The following DCC variants were observed in gnomAD, a reference collection of about 807,000 sequenced individuals.
The protein encoded by DCC is DCC netrin 1 receptor.
DCC carries 58 observed loss-of-function variants against 172.5 expected under a neutral mutation model. The observed-to-expected ratio is 0.34, with a 90% confidence interval of 0.27 to 0.42. The LOEUF (loss-of-function observed/expected upper bound fraction) is 0.42. Ranked by LOEUF, DCC falls within the 10% of genes least tolerant of loss-of-function variation. DCC has a pLI of 1.00. For missense variants in DCC, 1,740 were observed against 1,791.0 expected (o/e 0.97, Z 0.51); for synonymous variants, 709 against 644.5 (o/e 1.10, Z -1.52).
intron 7 of DCC, among the ~76,000 whole-genome samples, chr18:53,102,753 G>T (rs1313781671): frequency 2.0e-5 from 3 of 152,154 alleles, no homozygotes; most frequent in African/African-American, 7.2e-5. Context: ...CCTGTTCCAG[G>T]TTTTCAGACT....
chr18:52,517,122 T>C (rs1217109249), intron 1 of DCC, among the ~76,000 whole-genome samples: 2 of 152,192 alleles, frequency 1.3e-5, no homozygotes, highest in Non-Finnish European at 2.9e-5. Flanking sequence ...GGACCATAAG[T>C]GACACCCAAC....
At chr18:52,873,050 C>T (rs1343293823) in intron 2 of DCC, among the ~76,000 whole-genome samples, 1 of 152,168 alleles carries the variant, frequency 6.6e-6, no homozygotes, top group African/African-American at 2.4e-5. Context: ...AAGAATAATG[C>T]TGTCAATCTC....
At chr18:53,425,366 T>TTTTG (rs1910859743) in intron 21 of DCC, among the ~76,000 whole-genome samples, 1 of 135,610 alleles carries the variant, frequency 7.4e-6, no homozygotes, top group Non-Finnish European at 1.7e-5. Context: ...TCTTTTTTTT[T>TTTTG]TTTTTTTTTT....
intron 1 of DCC, among the ~76,000 whole-genome samples, chr18:52,642,286 A>C (rs1391813342): frequency 6.6e-6 from 1 of 151,880 alleles, no homozygotes; most frequent in Non-Finnish European, 1.5e-5. Flanking sequence ...ATGCAAAGGC[A>C]TAAGAATGAT....
At chr18:52,590,234 C>T (rs542392071) in intron 1 of DCC, among the ~76,000 whole-genome samples, 1 of 151,878 alleles carries the variant, frequency 6.6e-6, no homozygotes, top group African/African-American at 2.4e-5. Flanking sequence ...CAATTTTTTT[C>T]AAGCTGTATG....
At chr18:53,378,098 A>G (rs1446445013) in intron 15 of DCC, among the ~76,000 whole-genome samples, 1 of 152,008 alleles carries the variant, frequency 6.6e-6, no homozygotes, top group Admixed American at 6.5e-5. Context: ...AGTAGCTGGG[A>G]TTACAGGCAC....
At chr18:52,710,010 T>C (rs1870579) in intron 1 of DCC, among the ~76,000 whole-genome samples, 146,224 of 152,274 alleles carry the variant, frequency 0.96, 70,492 homozygotes, top group East Asian at 1. Context: ...GGATTGCCCA[T>C]CAGCCAGATT....
At chr18:52,739,000 G>A (rs964518931) in intron 1 of DCC, among the ~76,000 whole-genome samples, 5 of 151,644 alleles carry the variant, frequency 3.3e-5, no homozygotes, top group Non-Finnish European at 7.4e-5. Context: ...CTCTCACCTC[G>A]GCCTCCCTAA....
chr18:53,476,972 A>C (rs963633737), intron 25 of DCC, among the ~76,000 whole-genome samples: 5 of 152,246 alleles, frequency 3.3e-5, no homozygotes, highest in Non-Finnish European at 5.9e-5. Flanking sequence ...TATTCAACAA[A>C]AGAAAATTAT....
intron 5 of DCC, among the ~76,000 whole-genome samples, chr18:52,957,303 G>C (rs759928715): frequency 6.6e-6 from 1 of 151,918 alleles, no homozygotes; most frequent in Non-Finnish European, 1.5e-5. Context: ...CAATATAGTA[G>C]ATTATAACTT....
chr18:52,943,532 C>T (rs16955887), intron 5 of DCC, among the ~76,000 whole-genome samples: 9,256 of 152,088 alleles, frequency 0.061, 373 homozygotes, highest in South Asian at 0.15. Flanking sequence ...ATCTCTATAT[C>T]GCTGTGTTTT....
rs530529675 is a variant in DCC at position 52,674,812 on chromosome 18, G to A, written c.92-77242G>A. On this transcript the variant is annotated intron_variant, in intron 1 of 28. Transcript: ENST00000442544. Reference sequence around the variant, plus strand: ...CTGAACGGACTTTCTCCTCAGCCAGGGCTGTTTTAAAATTTAACCTGAAAG... The same window carrying A: ...CTGAACGGACTTTCTCCTCAGCCAGAGCTGTTTTAAAATTTAACCTGAAAG... Among the ~76,000 whole-genome samples the A allele has an allele frequency of 2.2e-4, 33 of 152,232 alleles. No homozygotes were observed. In the South Asian group the frequency reaches 2.9e-3, roughly 13 times the overall value.
chr18:53,177,251 A>G (rs1422238875), intron 8 of DCC, among the ~76,000 whole-genome samples: 1 of 152,090 alleles, frequency 6.6e-6, no homozygotes, highest in African/African-American at 2.4e-5. Context: ...TAGTGGGTGC[A>G]GTGCACCAGC....
intron 27 of DCC, among the ~76,000 whole-genome samples, chr18:53,507,144 T>G (rs544284442): frequency 6.6e-6 from 1 of 151,390 alleles, no homozygotes; most frequent in African/African-American, 2.5e-5. Flanking sequence ...ATTTTGAGAC[T>G]CATGGTATAC....
At chr18:53,072,098 C>T (rs1265596802) in intron 7 of DCC, among the ~76,000 whole-genome samples, 1 of 152,078 alleles carries the variant, frequency 6.6e-6, no homozygotes, top group Non-Finnish European at 1.5e-5. Flanking sequence ...TACTGAACTC[C>T]AGCCTGGGCA....
chr18:52,838,748 ATAT>A (rs1304706779), intron 2 of DCC, among the ~76,000 whole-genome samples: 1 of 152,216 alleles, frequency 6.6e-6, no homozygotes, highest in Non-Finnish European at 1.5e-5. Context: ...TTTGGCTTTT[ATAT>A]TATTTTATAA....
At chr18:52,541,875 G>GTATATATATATATATATATATATGTA (rs765428849) in intron 1 of DCC, among the ~76,000 whole-genome samples, 156 of 115,174 alleles carry the variant, frequency 1.4e-3, no homozygotes, top group East Asian at 3.6e-3. Context: ...GTGTGTGTGT[G>GTATATATATATATATATATATATGTA]TATATATATA....
At chr18:53,041,630 G>C (rs796638975) in intron 5 of DCC, among the ~76,000 whole-genome samples, 49 of 151,928 alleles carry the variant, frequency 3.2e-4, no homozygotes, top group African/African-American at 1.2e-3. Context: ...ATGATATTGA[G>C]TCTTTCTATC....
chr18:52,477,798 A>C (rs919246476), intron 1 of DCC, among the ~76,000 whole-genome samples: 3 of 152,126 alleles, frequency 2.0e-5, no homozygotes, highest in Non-Finnish European at 4.4e-5. Flanking sequence ...GTTTGATTTC[A>C]AAACAGCTTT....
Sources: gnomAD v4.1 joint callset for allele counts (sites outside exome capture counted in the v4.1 genomes callset) on GRCh38, gnomAD v4.1.1 for gene constraint, MANE v1.5 for transcripts, NCBI Gene and HGNC (gene_info 2026-07-23, HGNC 2026-07-21) for gene names.